The following NTM variants were observed in gnomAD, a reference collection of about 807,000 sequenced individuals.
The protein encoded by NTM is neurotrimin, also known as IgLON family member 2.
In NTM, 13 loss-of-function variants were observed where a neutral mutation model predicts 42.1. That is an observed-to-expected ratio of 0.31 (90% CI 0.20 to 0.49). The LOEUF is 0.49. Among genes scored for constraint, NTM ranks in the 20% least tolerant of loss-of-function variants. The probability of loss-of-function intolerance (pLI) is 0.99; values close to 1 mark genes in which losing one functional copy is unlikely to be tolerated. For missense variants in NTM, 373 were observed against 452.8 expected, an observed-to-expected ratio of 0.82 and a Z score of 1.60; for synonymous variants, 187 against 179.2, an observed-to-expected ratio of 1.04 and a Z score of -0.35.
At chr11:131,925,951 T>C (rs2057894700) in intron 2 of NTM, among the ~76,000 whole-genome samples, 1 of 152,208 alleles carries the variant, frequency 6.6e-6, no homozygotes, top group Non-Finnish European at 1.5e-5. Context: ...TAATAGGAGC[T>C]GAATGTATCC....
At chr11:132,000,010 C>A (rs1565917102) in intron 2 of NTM, among the ~76,000 whole-genome samples, 1 of 152,100 alleles carries the variant, frequency 6.6e-6, no homozygotes, top group African/African-American at 2.4e-5. Context: ...CCCCTTCCAC[C>A]TAGCCTAATC....
At chr11:131,408,196 G>A (rs975620374) in intron 1 of NTM, among the ~76,000 whole-genome samples, 2 of 152,114 alleles carry the variant, frequency 1.3e-5, no homozygotes, top group Admixed American at 6.5e-5. Context: ...TCCAGGAATG[G>A]CCAACACCCT....
At chr11:131,878,100 G>A (rs559294075) in intron 1 of NTM, 1 of 152,154 alleles carries the variant, frequency 6.6e-6, no homozygotes, top group East Asian at 1.9e-4. Flanking sequence ...TTGAGTTTGG[G>A]GATTCTGTAA....
At chr11:132,107,663 C>T (rs1326951784) in intron 2 of NTM, among the ~76,000 whole-genome samples, 1 of 152,026 alleles carries the variant, frequency 6.6e-6, no homozygotes, top group Non-Finnish European at 1.5e-5. Flanking sequence ...AGCCACTGTG[C>T]CTGACTTTTA....
chr11:132,046,429 T>G (rs115236355), intron 2 of NTM, among the ~76,000 whole-genome samples: 1 of 152,212 alleles, frequency 6.6e-6, no homozygotes, highest in African/African-American at 2.4e-5. Flanking sequence ...ACAGCAATTC[T>G]ACTGGCCAAT....
intron 2 of NTM, among the ~76,000 whole-genome samples, chr11:132,124,123 C>G (rs1317616273): frequency 3.3e-5 from 5 of 152,180 alleles, no homozygotes; most frequent in African/African-American, 1.2e-4. Flanking sequence ...TAGTGCCTGG[C>G]ACACTCCAGT....
chr11:131,987,392 TTC>T (rs1565889563), intron 2 of NTM, among the ~76,000 whole-genome samples: 2 of 117,486 alleles, frequency 1.7e-5, no homozygotes, highest in Non-Finnish European at 4.3e-5. Flanking sequence ...TTCTATTCTA[TTC>T]TATTCTATTC....
At chr11:131,616,257 C>G (rs1378717253) in intron 1 of NTM, among the ~76,000 whole-genome samples, 3 of 152,232 alleles carry the variant, frequency 2.0e-5, no homozygotes, top group African/African-American at 7.2e-5. Flanking sequence ...CAGGGCAGGT[C>G]CCTTTCTCCT....
rs1809063 is a variant in NTM at position 132,261,138 on chromosome 11, T to G, written c.527-46551T>G. Among the ~76,000 whole-genome samples, 3 of 152,130 alleles carry G rather than the reference T, an allele frequency of 2.0e-5. No individual in the cohort carries two copies. In the South Asian group the frequency reaches 6.2e-4, roughly 32 times the overall value. Reference sequence around the variant, plus strand: ...TGGCTGGGTGCACTAACCCAGTGTCTTCTTCCTTATCTGTAGAAAAGGTGG... The same window carrying G: ...TGGCTGGGTGCACTAACCCAGTGTCGTCTTCCTTATCTGTAGAAAAGGTGG... On this transcript the variant is annotated intron_variant, in intron 4 of 8. Coordinates refer to ENST00000683400, the MANE Select transcript of NTM (RefSeq NM_001352005.2).
rs1346212928 is a variant in NTM at position 132,003,576 on chromosome 11, T to A, written c.167+91928T>A. ...TTTGCATTTTTAACAAGTTCCTGGG[T>A]AAAACTGATCCTTGTGGTCTGGGGA... On this transcript the variant is annotated intron_variant, in intron 2 of 8. Transcript: ENST00000683400. The surrounding 1 kb of genome is among the most constrained non-coding windows in gnomAD (Gnocchi z 6.0). Among the ~76,000 whole-genome samples, 1 of 152,120 alleles carries A rather than the reference T, an allele frequency of 6.6e-6. No homozygotes were observed. The highest frequency in any genetic ancestry group is 1.5e-5 in the Non-Finnish European group (1 of 68,022).
intron 1 of NTM, among the ~76,000 whole-genome samples, chr11:131,796,706 C>T (rs144059218): frequency 7.2e-5 from 11 of 152,238 alleles, no homozygotes; most frequent in South Asian, 2.1e-4. Context: ...GGGATGGCCT[C>T]GACATCAGCG....
chr11:132,082,707 T>G (rs1054286165), intron 2 of NTM, among the ~76,000 whole-genome samples: 2 of 152,184 alleles, frequency 1.3e-5, no homozygotes, highest in African/African-American at 4.8e-5. Context: ...AGACTGATCT[T>G]AACTGATCCT....
At chr11:131,773,395 A>G (rs1244372436) in intron 1 of NTM, among the ~76,000 whole-genome samples, 1 of 152,232 alleles carries the variant, frequency 6.6e-6, no homozygotes, top group East Asian at 1.9e-4. Context: ...ATATGTTCAA[A>G]CCATAGCACT....
At chr11:132,154,518 A>T (rs1276921737) in intron 3 of NTM, among the ~76,000 whole-genome samples, 3 of 152,192 alleles carry the variant, frequency 2.0e-5, no homozygotes, top group Non-Finnish European at 2.9e-5. Context: ...TCCATAGTAT[A>T]GTAAGGTGCA....
chr11:131,637,766 C>T (rs748512775), intron 1 of NTM, among the ~76,000 whole-genome samples: 7 of 152,070 alleles, frequency 4.6e-5, no homozygotes, highest in East Asian at 1.9e-4. Context: ...ATTTGATCTA[C>T]TGAAAGCCAG....
chr11:131,974,739 A>G (rs186160664), intron 2 of NTM, among the ~76,000 whole-genome samples: 18 of 152,146 alleles, frequency 1.2e-4, no homozygotes, highest in African/African-American at 4.1e-4. Context: ...TTTTTCTCAT[A>G]GAGTTATTGT....
At position 132,240,793 on chromosome 11, in the gene NTM, C is replaced by T. The variant is rs137979391; in HGVS notation, c.526+28646C>T. 1.8e-3 allele frequency among the ~76,000 whole-genome samples: 281 copies of T among 152,270 alleles called. No individual in the cohort carries two copies. The Middle Eastern group carries it at 0.027, about 15-fold the overall frequency. The stretch of plus-strand genomic sequence containing the variant: ...GTTGAGATATGTCGTCAGTAAAATG[C>T]GCTTTGGCATAACAAAGTTGTGAAT... On this transcript the variant is annotated intron_variant, in intron 4 of 8. Coordinates refer to ENST00000683400, the MANE Select transcript of NTM (RefSeq NM_001352005.2).
chr11:131,650,882 G>A (rs1323632200), intron 1 of NTM, among the ~76,000 whole-genome samples: 1 of 152,180 alleles, frequency 6.6e-6, no homozygotes, highest in Non-Finnish European at 1.5e-5. Flanking sequence ...GAGACTGGGT[G>A]ACTCCAGTGC....
At chr11:132,052,602 C>G (rs2079010033) in intron 2 of NTM, among the ~76,000 whole-genome samples, 1 of 152,162 alleles carries the variant, frequency 6.6e-6, no homozygotes, top group South Asian at 2.1e-4. Context: ...ATCTAACAGA[C>G]AGGAATTAAG....
Sources: allele counts gnomAD v4.1 joint callset (sites outside exome capture counted in the v4.1 genomes callset), GRCh38; gene constraint gnomAD v4.1.1; non-coding constraint Gnocchi (gnomAD v3.1); transcripts MANE v1.5; gene names NCBI Gene and HGNC (gene_info 2026-07-23, HGNC 2026-07-21).